Variants in RORA observed in about 807,000 individuals in gnomAD.
RORA encodes RAR related orphan receptor A.
A neutral mutation model predicts 69.5 loss-of-function variants in RORA; 7 were observed. The observed-to-expected ratio is 0.10, with a 90% confidence interval of 0.06 to 0.19. The LOEUF is 0.19. Among genes scored for constraint, RORA ranks in the 10% least tolerant of loss-of-function variants. The probability of loss-of-function intolerance (pLI) is 1.00; values close to 1 mark genes in which losing one functional copy is unlikely to be tolerated. For missense variants in RORA, 457 were observed against 663.0 expected, an observed-to-expected ratio of 0.69 and a Z score of 3.41; for synonymous variants, 261 against 240.8, an observed-to-expected ratio of 1.08 and a Z score of -0.78.
intron 1 of RORA, chr15:60,681,593 G>A (rs1288562851): frequency 1.3e-5 from 2 of 152,160 alleles, no homozygotes; most frequent in East Asian, 1.9e-4. Context: ...CCAGCTGACC[G>A]AATTACCCAC....
In RORA at chr15:60,557,068, G is replaced by T. The variant is rs561907313; in HGVS notation, c.197-25217C>A. Reference sequence around the variant, plus strand: ...ACTGTTTAGGTAGCCAACTCCCACTGTCTAATTTAATCCCACTGAAACTGG... The same window carrying T: ...ACTGTTTAGGTAGCCAACTCCCACTTTCTAATTTAATCCCACTGAAACTGG... On this transcript the variant is annotated intron_variant, in intron 2 of 10. Coordinates refer to ENST00000335670, the MANE Select transcript of RORA (RefSeq NM_134261.3). 3 of 647,796 alleles carry T rather than the reference G, an allele frequency of 4.6e-6. No homozygotes were observed. In the Admixed American group the frequency reaches 8.4e-5, roughly 18 times the overall value. The allele number at this position is 647,796 out of a possible 1,614,324, so 40.1% of individuals were successfully genotyped here.
intron 1 of RORA, among the ~76,000 whole-genome samples, chr15:60,834,849 C>A (rs942814755): frequency 6.6e-6 from 1 of 152,072 alleles, no homozygotes; most frequent in Non-Finnish European, 1.5e-5. Context: ...CCCTTTTCCC[C>A]TCTCACACTG....
chr15:60,505,736 C>T (rs1371211674), intron 5 of RORA, 107 bp from the exon 6 acceptor site: 77 of 1,267,958 alleles, frequency 6.1e-5, no homozygotes, highest in Middle Eastern at 1.9e-4. Flanking sequence ...ATGTGCTGTG[C>T]GAGTTTTGAC....
At chr15:61,192,616 C>T (rs984002151) in intron 1 of RORA, among the ~76,000 whole-genome samples, 11 of 152,216 alleles carry the variant, frequency 7.2e-5, no homozygotes, top group Non-Finnish European at 1.6e-4. Flanking sequence ...GACCCAAAGC[C>T]AGTCAGGCAG....
intron 1 of RORA, among the ~76,000 whole-genome samples, chr15:60,851,048 A>G (rs1400585976): frequency 1.3e-5 from 2 of 152,114 alleles, no homozygotes; most frequent in Non-Finnish European, 2.9e-5. Flanking sequence ...AGTACAAACA[A>G]AAGTGGTAAC....
intron 2 of RORA, among the ~76,000 whole-genome samples, chr15:60,595,614 ATG>A (rs1263867593): frequency 6.6e-6 from 1 of 152,122 alleles, no homozygotes; most frequent in East Asian, 1.9e-4. Flanking sequence ...ATAAATGCTT[ATG>A]AGTACCGACT....
intron 1 of RORA, among the ~76,000 whole-genome samples, chr15:61,144,171 G>A (rs2079325215): frequency 6.6e-6 from 1 of 152,172 alleles, no homozygotes. Flanking sequence ...AGGTTTATTG[G>A]GGAGTATTCT....
chr15:60,980,324 T>C (rs7180199), intron 1 of RORA, among the ~76,000 whole-genome samples: 7,767 of 152,228 alleles, frequency 0.051, 657 homozygotes, highest in African/African-American at 0.17. Context: ...TCATAAGAGA[T>C]ATTAGCCTGT....
chr15:61,050,724 G>C (rs1897252480), intron 1 of RORA, among the ~76,000 whole-genome samples: 1 of 152,310 alleles, frequency 6.6e-6, no homozygotes, highest in South Asian at 2.1e-4. Context: ...ATAAGAGTAA[G>C]ACCTGCTTTA....
chr15:60,827,852 C>T (rs1595747288), intron 1 of RORA, among the ~76,000 whole-genome samples: 1 of 152,194 alleles, frequency 6.6e-6, no homozygotes, highest in South Asian at 2.1e-4. Context: ...AGGACCATTA[C>T]AGCTGTCAAA....
At chr15:60,623,891 G>A (rs996616363) in intron 2 of RORA, among the ~76,000 whole-genome samples, 3 of 152,160 alleles carry the variant, frequency 2.0e-5, no homozygotes, top group Non-Finnish European at 4.4e-5. Context: ...CACTAAATAA[G>A]TTATAGCTTC....
At chr15:61,221,820 C>A (rs555116229) in intron 1 of RORA, among the ~76,000 whole-genome samples, 1 of 152,034 alleles carries the variant, frequency 6.6e-6, no homozygotes, top group African/African-American at 2.4e-5. Flanking sequence ...ATGGTCTGTG[C>A]GTGGATGCAG....
chr15:61,027,540 G>T (rs1213584754), intron 1 of RORA, among the ~76,000 whole-genome samples: 1 of 152,144 alleles, frequency 6.6e-6, no homozygotes, highest in African/African-American at 2.4e-5. Context: ...CTGGGACTCA[G>T]GGAAAGTAAA....
At chr15:60,773,002 T>C (rs1410287964) in intron 1 of RORA, among the ~76,000 whole-genome samples, 2 of 152,226 alleles carry the variant, frequency 1.3e-5, no homozygotes, top group South Asian at 2.1e-4. Context: ...GGGTGAATCA[T>C]TACATAGTTT....
intron 2 of RORA, among the ~76,000 whole-genome samples, chr15:60,619,197 TTTC>T (rs1444317792): frequency 5.9e-5 from 9 of 152,236 alleles, no homozygotes; most frequent in Non-Finnish European, 8.8e-5. Context: ...TCAGTGGTGC[TTTC>T]TTCGAGTTAA....
Position 60,787,911 on chromosome 15 carries a change from G to A in RORA, c.167-109225C>T, listed in dbSNP as rs150873789. 2.2e-3 allele frequency among the ~76,000 whole-genome samples: 337 copies of A among 152,356 alleles called. 1 individual carries two copies. The highest frequency in any genetic ancestry group is 7.9e-3 in the African/African-American group (329 of 41,584). On this transcript the variant is annotated intron_variant, in intron 1 of 10. Coordinates refer to ENST00000335670, the MANE Select transcript of RORA (RefSeq NM_134261.3). ...CAAATACTTAAGAAGTATTGATTGTGCTGGGCACCCTTGTGGCTGCTGGGG... is the reference window on the plus strand; with the variant it reads ...CAAATACTTAAGAAGTATTGATTGTACTGGGCACCCTTGTGGCTGCTGGGG...
chr15:60,609,164 A>G (rs1367717475), intron 2 of RORA, among the ~76,000 whole-genome samples: 3 of 152,188 alleles, frequency 2.0e-5, no homozygotes, highest in Non-Finnish European at 4.4e-5. Flanking sequence ...AAGGGTTCCT[A>G]TGATTAAGTC....
chr15:60,824,789 CA>C (rs541797831), intron 1 of RORA, among the ~76,000 whole-genome samples: 8 of 152,188 alleles, frequency 5.3e-5, no homozygotes, highest in Non-Finnish European at 7.3e-5. Context: ...AATCTCAACT[CA>C]CACCCATGCA....
intron 1 of RORA, among the ~76,000 whole-genome samples, chr15:61,026,216 T>C (rs1403583523): frequency 6.6e-6 from 1 of 152,226 alleles, no homozygotes; most frequent in Non-Finnish European, 1.5e-5. Flanking sequence ...CACTTTTGTT[T>C]TTTACCTTCT....
Sources: allele counts gnomAD v4.1 joint callset (sites outside exome capture counted in the v4.1 genomes callset), GRCh38; gene constraint gnomAD v4.1.1; transcripts MANE v1.5; gene names NCBI Gene and HGNC (gene_info 2026-07-23, HGNC 2026-07-21).